Variants in USP48 observed in about 807,000 individuals in gnomAD.
The protein encoded by USP48 is ubiquitin specific peptidase 48, also known as ubiquitin carboxyl-terminal hydrolase 48.
A neutral mutation model predicts 150.7 loss-of-function variants in USP48; 43 were observed. The ratio of observed to expected loss-of-function variants is 0.29; its 90% CI spans 0.22 to 0.37. The LOEUF (loss-of-function observed/expected upper bound fraction) is 0.37. Ranked by LOEUF, USP48 falls within the 10% of genes least tolerant of loss-of-function variation. The pLI is 1.00. For synonymous variants in USP48, 396 were observed against 425.9 expected, an observed-to-expected ratio of 0.93 and a Z score of 0.86; for missense variants, 813 against 1,249.6, an observed-to-expected ratio of 0.65 and a Z score of 5.27.
At chr1:21,718,940 G>T (rs1287189483) in intron 14 of USP48, among the ~76,000 whole-genome samples, 1 of 152,094 alleles carries the variant, frequency 6.6e-6, no homozygotes, top group Non-Finnish European at 1.5e-5. Flanking sequence ...TTAAGTTCAT[G>T]AATTATATAG....
intron 8 of USP48, among the ~76,000 whole-genome samples, chr1:21,746,453 A>AATAC (rs150166008): frequency 0.085 from 12,909 of 152,092 alleles, 568 homozygotes; most frequent in Middle Eastern, 0.11. Context: ...CCGTCTCAAA[A>AATAC]ATACATACAT....
At chr1:21,755,192 A>T (rs1437284748) in intron 3 of USP48, among the ~76,000 whole-genome samples, 1 of 152,182 alleles carries the variant, frequency 6.6e-6, no homozygotes, top group Non-Finnish European at 1.5e-5. Context: ...TGTGGCTTTC[A>T]GCAAGTCAAT....
At chr1:21,709,821 T>G (rs964392865) in intron 15 of USP48, among the ~76,000 whole-genome samples, 1 of 152,158 alleles carries the variant, frequency 6.6e-6, no homozygotes, top group African/African-American at 2.4e-5. Flanking sequence ...ATTTCTGAGA[T>G]CAGAATAATA....
At chr1:21,772,820 G>T (rs1262084503) in intron 1 of USP48, among the ~76,000 whole-genome samples, 1 of 151,310 alleles carries the variant, frequency 6.6e-6, no homozygotes, top group Non-Finnish European at 1.5e-5. Context: ...TACTTGGGAG[G>T]CTGAAGCAAA....
chr1:21,760,931 TA>T (rs1361307324), intron 1 of USP48, among the ~76,000 whole-genome samples: 6 of 151,824 alleles, frequency 4.0e-5, no homozygotes, highest in Non-Finnish European at 8.8e-5. Context: ...CTGTCTCTAC[TA>T]AAAATACAAA....
chr1:21,717,649 T>G (rs977227337), intron 14 of USP48, among the ~76,000 whole-genome samples: 11 of 152,132 alleles, frequency 7.2e-5, no homozygotes, highest in African/African-American at 2.4e-4. Flanking sequence ...TAACTTCCTA[T>G]ATCAGGCTGA....
chr1:21,756,829 C>A, intron 2 of USP48, 127 bp from the exon 3 acceptor site: 1 of 1,436,212 alleles, frequency 7.0e-7, no homozygotes, highest in Non-Finnish European at 9.1e-7. Context: ...GTATAGCCAC[C>A]TTAAGTTTCT....
intron 8 of USP48, among the ~76,000 whole-genome samples, chr1:21,743,436 C>T (rs1016912592): frequency 1.3e-5 from 2 of 152,130 alleles, no homozygotes; most frequent in Non-Finnish European, 2.9e-5. Context: ...GATCTGGGGG[C>T]ATCACCAGTG....
At position 21,721,060 on chromosome 1, in the gene USP48, T is replaced by G; in HGVS notation, c.1870A>C (p.Met624Leu). Residue 624 changes from methionine to leucine, a missense_variant, in exon 14 of 27, where the codon ATG becomes CTG. Physicochemically the swap from Met to Leu is conservative, Grantham distance 15. Transcript: ENST00000308271. ...DGDAEQSNGK[M>L]NGSTLNKDES... ...CCTTTATTTAAGGTGCTACCGTTCA[T>G]CTTTCCGTTGCTTTGTTCTGCATCA... 1 of 1,614,266 alleles carries G rather than the reference T, an allele frequency of 6.2e-7. No homozygotes were observed. The highest frequency in any genetic ancestry group is 1.3e-5 in the African/African-American group (1 of 75,068).
At chr1:21,753,842 A>AC (rs1557574949) in intron 3 of USP48, among the ~76,000 whole-genome samples, 1 of 150,546 alleles carries the variant, frequency 6.6e-6, no homozygotes, top group Non-Finnish European at 1.5e-5. Context: ...AAAAAAAAAA[A>AC]AAAAAACTTT....
intron 11 of USP48, among the ~76,000 whole-genome samples, chr1:21,725,384 A>G (rs1300478381): frequency 6.6e-6 from 1 of 152,208 alleles, no homozygotes; most frequent in East Asian, 1.9e-4. Flanking sequence ...AGCTATGTGA[A>G]GCATTTTGAG....
At chr1:21,755,685 A>G (rs2097831127) in intron 3 of USP48, among the ~76,000 whole-genome samples, 1 of 152,174 alleles carries the variant, frequency 6.6e-6, no homozygotes, top group East Asian at 1.9e-4. Context: ...TACCATCTGT[A>G]AAATAAAGAT....
At chr1:21,762,914 G>C (rs2097853456) in intron 1 of USP48, among the ~76,000 whole-genome samples, 1 of 146,002 alleles carries the variant, frequency 6.8e-6, no homozygotes, top group South Asian at 2.2e-4. Context: ...TGGGGAAACA[G>C]ATACTCCCAT....
At chr1:21,769,594 T>C (rs1277131677) in intron 1 of USP48, among the ~76,000 whole-genome samples, 1 of 152,112 alleles carries the variant, frequency 6.6e-6, no homozygotes, top group Non-Finnish European at 1.5e-5. Context: ...TGTATATTTA[T>C]ACAGATGGGT....
Position 21,752,712 on chromosome 1 carries a change from T to G in USP48, c.541-61A>C, listed in dbSNP as rs531497001. On this transcript the variant is annotated intron_variant, in intron 4 of 26. Transcript: ENST00000308271. ...CTTGCTTTTCAACTTCTACTACAAA[T>G]AGTAATACATTCAACATTCCAGAAA... 24 of 1,509,598 alleles carry G rather than the reference T, an allele frequency of 1.6e-5. 1 individual carries two copies. Among genetic ancestry groups the G allele is most frequent in the Middle Eastern group, 2.1e-4 (1 of 4,678 alleles). The allele number at this position is 1,509,598 out of a possible 1,614,324, so 93.5% of individuals were successfully genotyped here.
rs777203308 is a variant in USP48 at position 21,695,040 on chromosome 1, C to T, written c.2883+26G>A. The stretch of plus-strand genomic sequence containing the variant: ...CATAAAGGCCCTTTTAAGTCCAGAG[C>T]AAACTTGAACAAATGTTTCCCTCAC... On this transcript the variant is annotated intron_variant, in intron 23 of 26. Coordinates refer to ENST00000308271, the MANE Select transcript of USP48 (RefSeq NM_032236.8). 25 of 1,599,016 alleles carry T rather than the reference C, an allele frequency of 1.6e-5. 1 individual carries two copies. In the Middle Eastern group the frequency reaches 2.0e-3, roughly 128 times the overall value.
intron 22 of USP48, among the ~76,000 whole-genome samples, chr1:21,698,198 T>C (rs564996068): frequency 6.4e-4 from 97 of 152,320 alleles, no homozygotes; most frequent in Non-Finnish European, 1.3e-3. Flanking sequence ...AGGGACTATC[T>C]ATTCTTTTCC....
chr1:21,732,716 A>G (rs901129898), intron 9 of USP48: 5 of 349,730 alleles, frequency 1.4e-5, no homozygotes, highest in African/African-American at 1.1e-4. Flanking sequence ...AAATAGTAGT[A>G]CAGAAGAAAA....
chr1:21,694,692 T>G (rs1340659955), intron 23 of USP48, among the ~76,000 whole-genome samples: 1 of 136,808 alleles, frequency 7.3e-6, no homozygotes, highest in South Asian at 2.5e-4. Flanking sequence ...TCGCTAATAA[T>G]AAGCTGCCTT....
Sources: allele counts gnomAD v4.1 joint callset (sites outside exome capture counted in the v4.1 genomes callset), GRCh38; gene constraint gnomAD v4.1.1; transcripts MANE v1.5; gene names NCBI Gene and HGNC (gene_info 2026-07-23, HGNC 2026-07-21).